FKBP1B: variants seen among roughly 807,000 people sequenced by gnomAD.
The protein encoded by FKBP1B is FKBP prolyl isomerase 1B, also known as peptidyl-prolyl cis-trans isomerase FKBP1B.
Under a neutral mutation model 13.5 loss-of-function variants are expected in FKBP1B, and 4 were observed. The observed-to-expected ratio is 0.30, with a 90% CI of 0.15 to 0.68. The LOEUF (loss-of-function observed/expected upper bound fraction) is 0.68, where lower values mean the gene tolerates loss of function less well. Among genes scored for constraint, FKBP1B ranks in the 30% least tolerant of loss-of-function variants. The pLI is 0.76. For synonymous variants in FKBP1B, 54 were observed against 53.6 expected (o/e 1.01, Z -0.03); for missense variants, 93 against 136.2 (o/e 0.68, Z 1.58).
In FKBP1B at chr2:24,053,581, C is replaced by T. The variant is rs539342871; in HGVS notation, c.38-321C>T. Among the ~76,000 whole-genome samples, 49 of 149,776 alleles carry T rather than the reference C, an allele frequency of 3.3e-4. No individual in the cohort carries two copies. The South Asian group carries it at 0.01, about 31-fold the overall frequency. On this transcript the variant is annotated intron_variant, in intron 1 of 3. Transcript: ENST00000380986. Reference sequence around the variant, plus strand: ...TGTCTGAAGTCTGGTCCAGGCCTGGCACATAGGAGGCCAACTGTAAATGTC... The same window carrying T: ...TGTCTGAAGTCTGGTCCAGGCCTGGTACATAGGAGGCCAACTGTAAATGTC...
chr2:24,048,256 G>C (rs1286515585), upstream of FKBP1B, among the ~76,000 whole-genome samples: 1 of 151,900 alleles, frequency 6.6e-6, no homozygotes, highest in Non-Finnish European at 1.5e-5. Flanking sequence ...GATAACCTGA[G>C]GTCGGGAGTT....
At chr2:24,033,245 A>G in the FKBP1B span, 1 of 502,944 alleles carries the variant, frequency 2.0e-6, no homozygotes, top group East Asian at 5.7e-5. Flanking sequence ...AGCCTGAGAG[A>G]CACAATCTGA....
chr2:24,035,570 G>A, the FKBP1B span, among the ~76,000 whole-genome samples: 1 of 151,824 alleles, frequency 6.6e-6, no homozygotes, highest in Non-Finnish European at 1.5e-5. Context: ...GTCATAGTAG[G>A]AAAGAAATCC....
chr2:24,033,726 G>A, the FKBP1B span, among the ~76,000 whole-genome samples: 1 of 152,170 alleles, frequency 6.6e-6, no homozygotes, highest in Admixed American at 6.6e-5. Context: ...GAGTGACAGA[G>A]ACAGACTCCA....
chr2:24,039,622 G>A, the FKBP1B span: 11 of 881,864 alleles, frequency 1.2e-5, no homozygotes, highest in Non-Finnish European at 1.9e-5. Flanking sequence ...ATAATGTGGA[G>A]AGACAAAAGG....
the FKBP1B span, among the ~76,000 whole-genome samples, chr2:24,042,975 G>A: frequency 6.7e-6 from 1 of 150,232 alleles, no homozygotes. Flanking sequence ...GGAGGTTGCA[G>A]TGAGCTGAGA....
intron 2 of FKBP1B, among the ~76,000 whole-genome samples, chr2:24,060,191 A>C (rs1380412735): frequency 6.6e-6 from 1 of 152,216 alleles, no homozygotes; most frequent in Non-Finnish European, 1.5e-5. Context: ...GAGGATCAAA[A>C]AGACCAGTTA....
At chr2:24,062,335 C>T (rs570787987) in intron 3 of FKBP1B, among the ~76,000 whole-genome samples, 40 of 151,946 alleles carry the variant, frequency 2.6e-4, no homozygotes, top group Non-Finnish European at 5.0e-4. Flanking sequence ...ATCACCATCA[C>T]GCCTGGCTAA....
chr2:24,041,142 C>A, the FKBP1B span, among the ~76,000 whole-genome samples: 2 of 151,940 alleles, frequency 1.3e-5, no homozygotes. Flanking sequence ...AGTTTGAGAC[C>A]AGCCTGGCCA....
chr2:24,057,598 C>A (rs1193171812), intron 2 of FKBP1B, among the ~76,000 whole-genome samples: 1 of 152,096 alleles, frequency 6.6e-6, no homozygotes, highest in Non-Finnish European at 1.5e-5. Context: ...GTCTCGAACT[C>A]CCTACCTCAG....
chr2:24,040,942 G>T, the FKBP1B span, among the ~76,000 whole-genome samples: 1 of 152,092 alleles, frequency 6.6e-6, no homozygotes, highest in Non-Finnish European at 1.5e-5. Context: ...TTTGAACTGG[G>T]GAGGCAGAGG....
At chr2:24,033,523 T>G in the FKBP1B span, among the ~76,000 whole-genome samples, 405 of 152,312 alleles carry the variant, frequency 2.7e-3, 2 homozygotes, top group African/African-American at 9.5e-3. Context: ...GACAGATCAC[T>G]TGAGCCCAGG....
At chr2:24,038,751 C>T in the FKBP1B span, 61 of 1,614,128 alleles carry the variant, frequency 3.8e-5, no homozygotes, top group Non-Finnish European at 4.5e-5. Flanking sequence ...GTAAAGCATA[C>T]GGAGTCATGT....
intron 2 of FKBP1B, among the ~76,000 whole-genome samples, chr2:24,058,080 C>T (rs1348182367): frequency 3.3e-5 from 5 of 151,780 alleles, no homozygotes; most frequent in Non-Finnish European, 5.9e-5. Flanking sequence ...GCCTGTAATC[C>T]CAGCTACTCG....
chr2:24,045,314 A>C (rs781212624), upstream of FKBP1B, among the ~76,000 whole-genome samples: 1 of 152,186 alleles, frequency 6.6e-6, no homozygotes, highest in Non-Finnish European at 1.5e-5. Context: ...CAAGGAAGGC[A>C]GGGCAGGCTG....
Position 24,050,563 on chromosome 2 carries a change from G to T in FKBP1B, c.37+677G>T, listed in dbSNP as rs1663821972. Among the ~76,000 whole-genome samples, 1 of 152,210 alleles carries T rather than the reference G, an allele frequency of 6.6e-6. No homozygotes were observed. Among genetic ancestry groups the T allele is most frequent in the African/African-American group, 2.4e-5 (1 of 41,452 alleles). The stretch of plus-strand genomic sequence containing the variant: ...GACGTCCCAGGGTGCTCCCTGGTCA[G>T]CAAGTCCAAAACAGAACTCTCGCTT... On this transcript the variant is annotated intron_variant, in intron 1 of 3. Coordinates refer to ENST00000380986, the MANE Select transcript of FKBP1B (RefSeq NM_004116.5). This position sits in a 1 kb window ranked among gnomAD's most constrained non-coding sequence, Gnocchi z 5.8.
upstream of FKBP1B, among the ~76,000 whole-genome samples, chr2:24,048,988 G>A (rs1333680591): frequency 1.3e-5 from 2 of 152,110 alleles, no homozygotes; most frequent in Non-Finnish European, 2.9e-5. Context: ...ATGGAGAACA[G>A]GGGTTTAGGG....
chr2:24,040,990 T>A, the FKBP1B span, among the ~76,000 whole-genome samples: 5 of 152,014 alleles, frequency 3.3e-5, no homozygotes, highest in South Asian at 6.2e-4. Context: ...CACTCCAGCC[T>A]GGGTAACAAC....
rs1282621586 is a variant in FKBP1B at position 24,050,054 on chromosome 2, C to T, written c.37+168C>T. Among the ~76,000 whole-genome samples, 1 of 152,020 alleles carries T rather than the reference C, an allele frequency of 6.6e-6. No individual in the cohort carries two copies. The highest frequency in any genetic ancestry group is 2.4e-5 in the African/African-American group (1 of 41,400). ...GATTCTTGGGGGTCTAGGAGACCAT[C>T]CTCCGCCATCCTCTTCCGCGCTCAC... On this transcript the variant is annotated intron_variant, in intron 1 of 3. Transcript: ENST00000380986. The surrounding 1 kb of genome is among the most constrained non-coding windows in gnomAD (Gnocchi z 5.8).
Sources: gnomAD v4.1 joint callset for allele counts (sites outside exome capture counted in the v4.1 genomes callset) on GRCh38, gnomAD v4.1.1 for gene constraint, Gnocchi (gnomAD v3.1) non-coding constraint, MANE v1.5 for transcripts, NCBI Gene and HGNC (gene_info 2026-07-23, HGNC 2026-07-21) for gene names.